FSTL5: variants seen among roughly 807,000 people sequenced by gnomAD.
FSTL5 encodes follistatin-related protein 5.
A neutral mutation model predicts 89.1 loss-of-function variants in FSTL5; 62 were observed. The ratio of observed to expected loss-of-function variants is 0.70; its 90% CI spans 0.57 to 0.86. The LOEUF is 0.86. Among genes scored for constraint, FSTL5 ranks in the 40% least tolerant of loss-of-function variants. FSTL5 has a pLI of 0.00. For synonymous variants in FSTL5, 383 were observed against 346.2 expected, an observed-to-expected ratio of 1.11 and a Z score of -1.18; for missense variants, 1,057 against 1,001.6, an observed-to-expected ratio of 1.06 and a Z score of -0.75.
chr4:161,460,719 G>A (rs1733533938), intron 13 of FSTL5, among the ~76,000 whole-genome samples: 2 of 151,922 alleles, frequency 1.3e-5, no homozygotes, highest in African/African-American at 2.4e-5. Flanking sequence ...ATTGGATTTC[G>A]AAAGAAACTC....
chr4:161,397,270 A>G (rs1245775481), intron 15 of FSTL5, among the ~76,000 whole-genome samples: 1 of 152,066 alleles, frequency 6.6e-6, no homozygotes, highest in Non-Finnish European at 1.5e-5. Context: ...AAACCTCTAT[A>G]TACACGCACA....
chr4:162,014,818 C>T (rs1357590746), intron 3 of FSTL5, among the ~76,000 whole-genome samples: 1 of 151,920 alleles, frequency 6.6e-6, no homozygotes, highest in African/African-American at 2.4e-5. Flanking sequence ...TATCTTTTTA[C>T]ATAGAAGAGA....
At chr4:161,889,430 G>T (rs955940109) in intron 4 of FSTL5, among the ~76,000 whole-genome samples, 8 of 152,142 alleles carry the variant, frequency 5.3e-5, no homozygotes, top group Middle Eastern at 3.4e-3. Context: ...AATCACCTGA[G>T]GTCAGGAGTT....
chr4:161,557,125 G>A (rs1732421863), intron 8 of FSTL5, among the ~76,000 whole-genome samples: 1 of 151,278 alleles, frequency 6.6e-6, no homozygotes, highest in African/African-American at 2.4e-5. Flanking sequence ...TAAAGCAATA[G>A]TACCCTTGTT....
intron 2 of FSTL5, among the ~76,000 whole-genome samples, chr4:162,110,361 G>A (rs1272898211): frequency 6.6e-6 from 1 of 151,772 alleles, no homozygotes. Context: ...AAAAGTCCCA[G>A]TAAAGATTGG....
chr4:161,600,138 C>A (rs914246843), intron 7 of FSTL5, among the ~76,000 whole-genome samples: 1 of 141,872 alleles, frequency 7.0e-6, no homozygotes, highest in Non-Finnish European at 1.5e-5. Context: ...ATGAATGAAT[C>A]CCCAAGCACA....
intron 6 of FSTL5, among the ~76,000 whole-genome samples, chr4:161,671,749 AG>A (rs1737122719): frequency 6.6e-6 from 1 of 152,128 alleles, no homozygotes; most frequent in South Asian, 2.1e-4. Context: ...CAACTGTAAC[AG>A]TTGCTATACC....
At chr4:162,104,341 T>G (rs1731124940) in intron 2 of FSTL5, among the ~76,000 whole-genome samples, 1 of 152,144 alleles carries the variant, frequency 6.6e-6, no homozygotes, top group Admixed American at 6.5e-5. Context: ...CTCCATTCCT[T>G]GGAATCCATG....
At chr4:161,514,534 C>A (rs1730752359) in intron 10 of FSTL5, among the ~76,000 whole-genome samples, 1 of 152,076 alleles carries the variant, frequency 6.6e-6, no homozygotes, top group South Asian at 2.1e-4. Flanking sequence ...GTGATAGTTA[C>A]ACTAAAAGCC....
At chr4:161,956,845 C>T (rs1197632704) in intron 3 of FSTL5, among the ~76,000 whole-genome samples, 1 of 151,860 alleles carries the variant, frequency 6.6e-6, no homozygotes, top group African/African-American at 2.4e-5. Flanking sequence ...TTTAAAATAT[C>T]TCTGATATTG....
At chr4:161,683,040 C>T (rs9884899) in intron 6 of FSTL5, among the ~76,000 whole-genome samples, 80,840 of 151,936 alleles carry the variant, frequency 0.53, 25,090 homozygotes, top group East Asian at 0.7. Context: ...CCACCGTGCC[C>T]GGCCAACTTT....
chr4:161,925,976 A>G (rs1298080442), intron 3 of FSTL5, among the ~76,000 whole-genome samples: 1 of 151,966 alleles, frequency 6.6e-6, no homozygotes, highest in Non-Finnish European at 1.5e-5. Context: ...TTTAGAATTA[A>G]GTATAATATT....
chr4:162,029,669 G>C (rs1284205567), intron 3 of FSTL5, among the ~76,000 whole-genome samples: 1 of 151,938 alleles, frequency 6.6e-6, no homozygotes, highest in African/African-American at 2.4e-5. Flanking sequence ...TTTTCTTAAA[G>C]TTATGAAGCA....
intron 4 of FSTL5, among the ~76,000 whole-genome samples, chr4:161,909,079 C>T (rs1015079151): frequency 1.3e-5 from 2 of 152,064 alleles, no homozygotes; most frequent in Admixed American, 6.6e-5. Flanking sequence ...CAGTCCATTA[C>T]TAATGGTTTA....
intron 7 of FSTL5, among the ~76,000 whole-genome samples, chr4:161,606,534 T>A (rs1734450802): frequency 6.6e-6 from 1 of 152,098 alleles, no homozygotes; most frequent in South Asian, 2.1e-4. Context: ...CCGGCCCGAT[T>A]ATCTGTGAAG....
In FSTL5 at chr4:161,805,894, C is replaced by T. The variant is rs79667259; in HGVS notation, c.410-29820G>A. Among the ~76,000 whole-genome samples the T allele has an allele frequency of 9.3e-3, 1,408 of 152,142 alleles. 27 individuals are homozygous for T. The highest frequency in any genetic ancestry group is 0.031 in the African/African-American group (1,286 of 41,522). The stretch of plus-strand genomic sequence containing the variant: ...AACCCTTGTCCAAAAATATTACATA[C>T]AGTAAGATATTCTGAGAGAGAGTGA... On this transcript the variant is annotated intron_variant, in intron 4 of 15. Coordinates refer to ENST00000306100, the MANE Select transcript of FSTL5 (RefSeq NM_020116.5).
At chr4:161,754,985 A>G (rs1284494070) in intron 6 of FSTL5, among the ~76,000 whole-genome samples, 1 of 152,130 alleles carries the variant, frequency 6.6e-6, no homozygotes, top group African/African-American at 2.4e-5. Context: ...TGGAAAATGA[A>G]CACACTTTAC....
intron 4 of FSTL5, among the ~76,000 whole-genome samples, chr4:161,838,208 A>G (rs1269419843): frequency 6.6e-6 from 1 of 152,244 alleles, no homozygotes; most frequent in African/African-American, 2.4e-5. Flanking sequence ...GTGTTAAAAA[A>G]TAAGGACAAA....
chr4:161,672,706 T>TA (rs61459217), intron 6 of FSTL5, among the ~76,000 whole-genome samples: 7,467 of 132,832 alleles, frequency 0.056, 455 homozygotes, highest in African/African-American at 0.15. Context: ...TCTAAGAAAT[T>TA]AAAAAAAAAA....
Sources: gnomAD v4.1 joint callset for allele counts (sites outside exome capture counted in the v4.1 genomes callset) on GRCh38, gnomAD v4.1.1 for gene constraint, MANE v1.5 for transcripts, NCBI Gene and HGNC (gene_info 2026-07-23, HGNC 2026-07-21) for gene names.